ZWILCH: variants seen among roughly 807,000 people sequenced by gnomAD.
ZWILCH encodes protein zwilch homolog.
In ZWILCH, 74 loss-of-function variants were observed where a neutral mutation model predicts 79.9. The observed-to-expected ratio is 0.93, with a 90% CI of 0.77 to 1.12. ZWILCH has a LOEUF of 1.12. Ranked by LOEUF, ZWILCH falls within the 50% of genes most tolerant of loss-of-function variation. The pLI, the probability that ZWILCH is intolerant of heterozygous loss-of-function variation, is 0.00. For synonymous variants in ZWILCH, 241 were observed against 228.2 expected (o/e 1.06, Z -0.51); for missense variants, 694 against 687.5 (o/e 1.01, Z -0.11).
chr15:66,536,746 T>C (rs931425225), intron 15 of ZWILCH, among the ~76,000 whole-genome samples: 5 of 152,086 alleles, frequency 3.3e-5, no homozygotes, highest in Admixed American at 6.6e-5. Context: ...GTTTTTTTTT[T>C]CCCCATTATA....
chr15:66,515,798 G>A (rs191579390), intron 4 of ZWILCH, among the ~76,000 whole-genome samples, 154 bp downstream of exon 4: 4 of 152,000 alleles, frequency 2.6e-5, no homozygotes, highest in Middle Eastern at 3.4e-3. Flanking sequence ...AGTTCTACTT[G>A]AATATTTGAT....
intron 17 of ZWILCH, among the ~76,000 whole-genome samples, chr15:66,542,583 T>C (rs1895228391): frequency 6.6e-6 from 1 of 151,958 alleles, no homozygotes; most frequent in South Asian, 2.1e-4. Context: ...AGATTTCGTC[T>C]CAAAAAAAGA....
At chr15:66,505,876 C>G (rs1408442247) in intron 1 of ZWILCH, 3 of 166,832 alleles carry the variant, frequency 1.8e-5, no homozygotes, top group African/African-American at 7.2e-5. Flanking sequence ...TTTCACTGTG[C>G]TCCAAGACTT....
In ZWILCH at chr15:66,505,368, G is replaced by A. The variant is rs775096510; in HGVS notation, c.30G>A (p.Glu10=). 1.9e-6 allele frequency: 3 copies of A among 1,614,034 alleles called. No individual in the cohort carries two copies. The highest frequency in any genetic ancestry group is 1.1e-5 in the South Asian group (1 of 91,074). The change falls in exon 1 of 19, where the codon GAG becomes GAA. Residue 10 remains glutamate (E), a synonymous_variant. Coordinates refer to ENST00000307897, the MANE Select transcript of ZWILCH (RefSeq NM_017975.5). ...GGGAGCGGCTGAACTGCGCAGCAGA[G>A]GACTTTTATTCTCGTCTCCTTCAGT... MWERLNCAA[E]DFYSRLLQKF... is the part of the protein sequence containing the mutation.
At chr15:66,530,387 A>G (rs558284972) in intron 12 of ZWILCH, among the ~76,000 whole-genome samples, 2 of 152,012 alleles carry the variant, frequency 1.3e-5, no homozygotes, top group Non-Finnish European at 2.9e-5. Flanking sequence ...TGTAATTCCA[A>G]CTCTTTGGGA....
intron 2 of ZWILCH, 32 bp downstream of exon 2, chr15:66,508,924 T>C (rs1893925306): frequency 1.9e-6 from 3 of 1,607,804 alleles, no homozygotes; most frequent in Non-Finnish European, 2.6e-6. Context: ...AACACAACTC[T>C]AATCCTAAAA....
chr15:66,544,727 TG>T (rs1895312442), intron 17 of ZWILCH, among the ~76,000 whole-genome samples: 5 of 144,948 alleles, frequency 3.4e-5, no homozygotes, highest in Non-Finnish European at 6.0e-5. Flanking sequence ...TTGGTTTTTG[TG>T]TGTGTGTGTG....
intron 4 of ZWILCH, among the ~76,000 whole-genome samples, chr15:66,517,390 T>A (rs1007944053): frequency 3.0e-5 from 4 of 133,236 alleles, no homozygotes; most frequent in African/African-American, 1.1e-4. Context: ...ACTATTGTTA[T>A]ACCTATAGAT....
At chr15:66,505,635 A>G (rs1893784063) in intron 1 of ZWILCH, 1 of 541,808 alleles carries the variant, frequency 1.8e-6, no homozygotes, top group South Asian at 2.5e-5. Flanking sequence ...AAGTGTTCCA[A>G]GAGGCGATTT....
chr15:66,514,797 A>G (rs527526342), intron 3 of ZWILCH, among the ~76,000 whole-genome samples: 23 of 152,354 alleles, frequency 1.5e-4, no homozygotes, highest in Non-Finnish European at 2.9e-4. Context: ...AACACCAATC[A>G]GAGGTTATTG....
intron 3 of ZWILCH, among the ~76,000 whole-genome samples, chr15:66,515,310 T>A (rs1187116240): frequency 6.6e-6 from 1 of 152,190 alleles, no homozygotes; most frequent in Non-Finnish European, 1.5e-5. Flanking sequence ...AAGGTCAATA[T>A]CTTTTTATAG....
chr15:66,516,557 G>A (rs888752417), intron 4 of ZWILCH, among the ~76,000 whole-genome samples: 6 of 151,232 alleles, frequency 4.0e-5, no homozygotes, highest in South Asian at 2.1e-4. Context: ...CCAAGCTGGA[G>A]TGCAATGGTG....
chr15:66,509,225 C>T (rs1235801636), intron 2 of ZWILCH, among the ~76,000 whole-genome samples: 1 of 152,180 alleles, frequency 6.6e-6, no homozygotes, highest in Admixed American at 6.5e-5. Context: ...CAGGCTTGAA[C>T]CACCGCGCCC....
At chr15:66,514,107 GTTGT>G in intron 3 of ZWILCH, 24 bp downstream of exon 3, 1 of 1,550,020 alleles carries the variant, frequency 6.5e-7, no homozygotes. Context: ...TGACTTTGTG[GTTGT>G]TTAATTCTCC....
Position 66,527,333 on chromosome 15 carries a change from A to G in ZWILCH, c.863A>G (p.Glu288Gly). 1 of 1,614,110 alleles carries G rather than the reference A, an allele frequency of 6.2e-7. No homozygotes were observed. The highest frequency in any genetic ancestry group is 8.5e-7 in the Non-Finnish European group (1 of 1,180,008). ...AGGACTGGTGTCACTGAATGGCTCG[A>G]GCCCCTGGAAGCAAAATCTGCTGTT... Reference protein sequence around the residue: ...GLRTGVTEWLEPLEAKSAVEL... With the variant: ...GLRTGVTEWLGPLEAKSAVEL... Residue 288 changes from glutamate to glycine, a missense_variant, in exon 9 of 19, where the codon GAG becomes GGG. Coordinates refer to ENST00000307897, the MANE Select transcript of ZWILCH (RefSeq NM_017975.5).
At chr15:66,520,716 T>G in intron 6 of ZWILCH, 56 bp downstream of exon 6, 1 of 1,190,796 alleles carries the variant, frequency 8.4e-7, no homozygotes, top group Non-Finnish European at 1.2e-6. Flanking sequence ...CAACCTGCCT[T>G]CCTAGTTTAC....
intron 13 of ZWILCH, 90 bp from the exon 14 acceptor site, chr15:66,532,895 G>T (rs1595918018): frequency 1.1e-6 from 1 of 870,612 alleles, no homozygotes; most frequent in Admixed American, 3.7e-5. Context: ...AAGAATTTAA[G>T]AATTTAAATA....
At chr15:66,539,490 A>G (rs1246314540) in intron 16 of ZWILCH, among the ~76,000 whole-genome samples, 1 of 151,622 alleles carries the variant, frequency 6.6e-6, no homozygotes, top group East Asian at 1.9e-4. Context: ...TCTTCACATC[A>G]TCATTACTTT....
At chr15:66,508,488 T>A (rs1453212910) in intron 1 of ZWILCH, among the ~76,000 whole-genome samples, 1 of 152,192 alleles carries the variant, frequency 6.6e-6, no homozygotes, top group African/African-American at 2.4e-5. Context: ...CTTTGAAAGG[T>A]CATGTGGCAA....
Sources: allele counts gnomAD v4.1 joint callset (sites outside exome capture counted in the v4.1 genomes callset), GRCh38; gene constraint gnomAD v4.1.1; transcripts MANE v1.5; gene names NCBI Gene and HGNC (gene_info 2026-07-23, HGNC 2026-07-21).